RSAD2: variants seen among roughly 807,000 people sequenced by gnomAD.
RSAD2 encodes the protein S-adenosylmethionine-dependent nucleotide dehydratase RSAD2.
Under a neutral mutation model 37.7 loss-of-function variants are expected in RSAD2, and 38 were observed. That is an observed-to-expected ratio of 1.01 (90% CI 0.78 to 1.32). The LOEUF is 1.32. Among genes scored for constraint, RSAD2 ranks in the 40% most tolerant of loss-of-function variants. The pLI is 0.00. For synonymous variants in RSAD2, 163 were observed against 157.4 expected (o/e 1.04, Z -0.27); for missense variants, 428 against 437.5 (o/e 0.98, Z 0.19).
At chr2:6,888,044 C>T (rs1663557362) in intron 3 of RSAD2, among the ~76,000 whole-genome samples, 1 of 152,186 alleles carries the variant, frequency 6.6e-6, no homozygotes, top group African/African-American at 2.4e-5. Flanking sequence ...TTTGGCTATG[C>T]TCTGAAAAAT....
rs779493237 is a variant in RSAD2 at position 6,883,424 on chromosome 2, G to A, written c.400G>A (p.Glu134Lys). The A allele has an allele frequency of 1.9e-6, 3 of 1,614,068 alleles. No homozygotes were observed. The highest frequency in any genetic ancestry group is 2.5e-6 in the Non-Finnish European group (3 of 1,180,044). The change falls in exon 2 of 6, where the codon GAA becomes AAA. Residue 134 changes from glutamate to lysine, a missense_variant. Transcript: ENST00000382040. ...AGAGCCATTTCTTCAAGACCGGGGA[G>A]AATACCTGGGCAAGTTGGTGAGGTT... ...GGEPFLQDRG[E>K]YLGKLVRFCK... is the part of the protein sequence containing the mutation.
chr2:6,880,973 CT>C (rs1663385838), intron 1 of RSAD2, among the ~76,000 whole-genome samples: 2 of 152,034 alleles, frequency 1.3e-5, no homozygotes, highest in Non-Finnish European at 2.9e-5. Context: ...CAGATCTGGG[CT>C]GTAATATGAT....
upstream of RSAD2, among the ~76,000 whole-genome samples, chr2:6,872,919 T>C (rs771063649): frequency 2.6e-5 from 4 of 152,228 alleles, no homozygotes; most frequent in Non-Finnish European, 4.4e-5. Flanking sequence ...TTTGCAAATC[T>C]GTTCCCTTAA....
chr2:6,888,423 A>T (rs1663565416), intron 3 of RSAD2, among the ~76,000 whole-genome samples: 1 of 152,156 alleles, frequency 6.6e-6, no homozygotes, highest in South Asian at 2.1e-4. Context: ...AAAAACAGGG[A>T]CATGATCCAC....
chr2:6,865,953 G>A (rs1182424822), exon 1 of RSAD2: 8 of 1,250,874 alleles, frequency 6.4e-6, no homozygotes, highest in Non-Finnish European at 7.3e-6. Flanking sequence ...TGGCCCCGGG[G>A]CCCCAGGTGC....
chr2:6,877,215 A>T (rs1982364), upstream of RSAD2: 2 of 152,372 alleles, frequency 1.3e-5, no homozygotes, highest in East Asian at 3.9e-4. Context: ...GTCACCTTGC[A>T]TAAATTAGGC....
upstream of RSAD2, chr2:6,876,947 A>G (rs981957666): frequency 1.2e-4 from 18 of 152,220 alleles, no homozygotes; most frequent in African/African-American, 4.1e-4. Context: ...GACTCTTCCA[A>G]CTTCCTACAG....
chr2:6,871,505 A>G (rs1663203866), intron 1 of RSAD2, among the ~76,000 whole-genome samples: 1 of 152,216 alleles, frequency 6.6e-6, no homozygotes, highest in Non-Finnish European at 1.5e-5. Flanking sequence ...TGTATTTGAG[A>G]TGTAAATTTG....
At chr2:6,887,268 C>T (rs1663543558) in intron 3 of RSAD2, 104 bp downstream of exon 3, 3 of 786,142 alleles carry the variant, frequency 3.8e-6, no homozygotes, top group Non-Finnish European at 4.1e-6. Context: ...GAACTCTGGA[C>T]CTCGCAAGCC....
chr2:6,878,011 A>G lies in RSAD2; in HGVS notation c.211A>G (p.Thr71Ala), dbSNP rs1351510116. 1 of 1,614,068 alleles carries G rather than the reference A, an allele frequency of 6.2e-7. No individual in the cohort carries two copies. The highest frequency in any genetic ancestry group is 2.2e-5 in the East Asian group (1 of 44,884). Residue 71 changes from threonine to alanine, a missense_variant, in exon 1 of 6, where the codon ACC becomes GCC. Physicochemically the swap from Thr to Ala is moderately conservative, Grantham distance 58. Transcript: ENST00000382040. Reference sequence around the variant, plus strand: ...GGAAGAGGACCCTCCTCTGCCCACCACCCCAACCAGCGTCAACTATCACTT... The same window carrying G: ...GGAAGAGGACCCTCCTCTGCCCACCGCCCCAACCAGCGTCAACTATCACTT... ...EEEEDPPLPTTPTSVNYHFTR... is the reference protein window; with the variant it reads ...EEEEDPPLPTAPTSVNYHFTR...
At chr2:6,874,349 TTG>T (rs1232016701), upstream of RSAD2, among the ~76,000 whole-genome samples, 1 of 152,232 alleles carries the variant, frequency 6.6e-6, no homozygotes, top group African/African-American at 2.4e-5. Context: ...AATGCAAGAA[TTG>T]ACTAATATAT....
At position 6,895,893 on chromosome 2, in the gene RSAD2, G is replaced by A. The variant is rs201120739; in HGVS notation, c.1037G>A (p.Arg346Gln). The change falls in exon 6 of 6, where the codon CGA (arginine) becomes CAA (glutamine). Residue 346 changes from arginine to glutamine, a missense_variant. Physicochemically the swap from Arg to Gln is conservative, Grantham distance 43 (BLOSUM62 1). Transcript: ENST00000382040. ...SGFDEKMFLK[R>Q]GGKYIWSKAD... ...TTTGATGAAAAGATGTTTCTGAAGC[G>A]AGGAGGAAAATACATATGGAGTAAG... 11 of 1,614,152 alleles carry A rather than the reference G, an allele frequency of 6.8e-6. No individual in the cohort carries two copies. Among genetic ancestry groups the A allele is most frequent in the African/African-American group, 4.0e-5 (3 of 75,034 alleles).
At chr2:6,883,206 G>A (rs1452097855) in intron 1 of RSAD2, among the ~76,000 whole-genome samples, 165 bp from the exon 2 acceptor site, 1 of 152,216 alleles carries the variant, frequency 6.6e-6, no homozygotes, top group Non-Finnish European at 1.5e-5. Context: ...TTAAACATAT[G>A]CTATTCCCAT....
chr2:6,875,445 T>C (rs1663265527), upstream of RSAD2, among the ~76,000 whole-genome samples: 1 of 152,226 alleles, frequency 6.6e-6, no homozygotes, highest in Non-Finnish European at 1.5e-5. Context: ...AACCCCAGCA[T>C]GCTTTCCATG....
chr2:6,886,877 T>C, intron 2 of RSAD2, 58 bp from the exon 3 acceptor site: 1 of 1,276,470 alleles, frequency 7.8e-7, no homozygotes, highest in Non-Finnish European at 1.1e-6. Context: ...GAGATCTAAA[T>C]AGCCCAAGGG....
In RSAD2 at chr2:6,897,002, A is replaced by G. The variant is rs575158061; in HGVS notation, c.*1060A>G. 2.0e-5 allele frequency: 3 copies of G among 152,336 alleles called. No homozygotes were observed. The East Asian group carries it at 5.8e-4, about 29-fold the overall frequency. The allele number at this position is 152,336 out of a possible 1,614,324, so 9.4% of individuals were successfully genotyped here. On this transcript the variant is annotated 3_prime_UTR_variant, in exon 6 of 6. Transcript: ENST00000382040. ...ACCTTGGGCAAGGAAGAATGTGAGC[A>G]AGAGTAGAGAGAGTGCCTGGATTTC... is the stretch of plus-strand genomic sequence containing the variant.
Position 6,887,119 on chromosome 2 carries a change from G to A in RSAD2, c.693G>A (p.Glu231=). 1 of 1,613,984 alleles carries A rather than the reference G, an allele frequency of 6.2e-7. No homozygotes were observed. Among genetic ancestry groups the A allele is most frequent in the Non-Finnish European group, 8.5e-7 (1 of 1,179,858 alleles). The change falls in exon 3 of 6, where the codon GAG becomes GAA. Residue 231 remains glutamate (E), a synonymous_variant. Transcript: ENST00000382040. ...NSVINRFNVE[E]DMTEQIKALN... Reference sequence around the variant, plus strand: ...TCATTAATCGTTTCAACGTGGAAGAGGACATGACGGAACAGATCAAAGCAC... The same window carrying A: ...TCATTAATCGTTTCAACGTGGAAGAAGACATGACGGAACAGATCAAAGCAC...
chr2:6,888,778 T>A (rs1360833437), intron 3 of RSAD2, among the ~76,000 whole-genome samples: 7 of 152,216 alleles, frequency 4.6e-5, no homozygotes, highest in Non-Finnish European at 1.0e-4. Context: ...AGGCTTCCAA[T>A]TGATGTAAAT....
At chr2:6,879,458 A>G (rs1264648630) in intron 1 of RSAD2, among the ~76,000 whole-genome samples, 1 of 151,852 alleles carries the variant, frequency 6.6e-6, no homozygotes, top group East Asian at 1.9e-4. Context: ...TGTCACACTC[A>G]TTTTCTCCAA....
Sources: allele counts gnomAD v4.1 joint callset (sites outside exome capture counted in the v4.1 genomes callset), GRCh38; gene constraint gnomAD v4.1.1; transcripts MANE v1.5; gene names NCBI Gene and HGNC (gene_info 2026-07-23, HGNC 2026-07-21).